The following TTC7B variants were observed in gnomAD, a reference collection of about 807,000 sequenced individuals.
The protein encoded by TTC7B is tetratricopeptide repeat domain 7B.
TTC7B carries 28 observed loss-of-function variants against 106.8 expected under a neutral mutation model. The observed-to-expected ratio is 0.26, with a 90% CI of 0.19 to 0.36. The LOEUF (loss-of-function observed/expected upper bound fraction) is 0.36. TTC7B is among the 10% of genes least tolerant of loss of function. The pLI is 1.00. For missense variants in TTC7B, 862 were observed against 1,076.4 expected, an observed-to-expected ratio of 0.80 and a Z score of 2.79; for synonymous variants, 405 against 430.6, an observed-to-expected ratio of 0.94 and a Z score of 0.74.
In TTC7B at chr14:90,816,379, C is replaced by G; in HGVS notation, c.-84G>C. 1 of 784,512 alleles carries G rather than the reference C, an allele frequency of 1.3e-6. No individual in the cohort carries two copies. Among genetic ancestry groups the G allele is most frequent in the Non-Finnish European group, 1.5e-6 (1 of 649,960 alleles). 48.6% of individuals were successfully genotyped at this position (784,512 alleles called of 1,614,324 possible). ...CCCCCTCGCCGCCTCCCGCCGCCGCCGCGGGCTCGGGCTCCGGCTCCCGGC... is the reference window on the plus strand; with the variant it reads ...CCCCCTCGCCGCCTCCCGCCGCCGCGGCGGGCTCGGGCTCCGGCTCCCGGC... On this transcript the variant is annotated 5_prime_UTR_variant, in exon 1 of 20. Coordinates refer to ENST00000328459, the MANE Select transcript of TTC7B (RefSeq NM_001010854.2).
intron 15 of TTC7B, among the ~76,000 whole-genome samples, chr14:90,630,492 C>T (rs377269380): frequency 2.0e-5 from 3 of 152,156 alleles, no homozygotes; most frequent in Non-Finnish European, 4.4e-5. Context: ...GTAAAATATA[C>T]GTAACATAAA....
At chr14:90,603,193 G>A in intron 17 of TTC7B, 15 of 1,111,048 alleles carry the variant, frequency 1.4e-5, no homozygotes, top group Non-Finnish European at 1.8e-5. Context: ...ACATTCCGTG[G>A]TGGGGGGAGT....
rs1215319496 is a variant in TTC7B, at chr14:90,756,480, G to A, written c.446-11558C>T. 6.0e-5 allele frequency among the ~76,000 whole-genome samples: 9 copies of A among 148,788 alleles called. No homozygotes were observed. The Admixed American group carries it at 6.1e-4, about 10-fold the overall frequency. ...GCGATCTCGGCTCACTGCAACTTCCGCCTTCTGGGTTCAAGCGATTCTCCT... is the reference window on the plus strand; with the variant it reads ...GCGATCTCGGCTCACTGCAACTTCCACCTTCTGGGTTCAAGCGATTCTCCT... On this transcript the variant is annotated intron_variant, in intron 3 of 19. Coordinates refer to ENST00000328459, the MANE Select transcript of TTC7B (RefSeq NM_001010854.2).
chr14:90,629,591 G>A (rs1226830341), intron 15 of TTC7B, among the ~76,000 whole-genome samples: 1 of 152,210 alleles, frequency 6.6e-6, no homozygotes, highest in East Asian at 1.9e-4. Context: ...GCCAGGTGCT[G>A]GGGAGCCAGA....
Position 90,744,705 on chromosome 14 carries a change from G to A in TTC7B, c.576+87C>T. On this transcript the variant is annotated intron_variant, in intron 4 of 19. Coordinates refer to ENST00000328459, the MANE Select transcript of TTC7B (RefSeq NM_001010854.2). ...CTTTGCACACAGAGACAGACAAGTTGAAAGCTTCCTAGAGATTAATCTCAG... is the reference window on the plus strand; with the variant it reads ...CTTTGCACACAGAGACAGACAAGTTAAAAGCTTCCTAGAGATTAATCTCAG... 6.3e-6 allele frequency: 9 copies of A among 1,418,560 alleles called. No individual in the cohort carries two copies. The South Asian group carries it at 6.5e-5, about 10-fold the overall frequency. The allele number at this position is 1,418,560 out of a possible 1,614,324, so 87.9% of individuals were successfully genotyped here.
chr14:90,774,069 A>T (rs1890948305), intron 3 of TTC7B, among the ~76,000 whole-genome samples: 2 of 152,130 alleles, frequency 1.3e-5, no homozygotes, highest in Admixed American at 1.3e-4. Context: ...ACACTGCCCT[A>T]CCTCTGATCC....
intron 1 of TTC7B, among the ~76,000 whole-genome samples, chr14:90,814,852 C>T (rs1257731277): frequency 2.0e-5 from 3 of 152,226 alleles, no homozygotes; most frequent in East Asian, 1.9e-4. Flanking sequence ...AAGTGGAGCC[C>T]GTGTAGGGTC....
At chr14:90,593,734 GATGTTTC>G in intron 17 of TTC7B, 108 bp from the exon 18 acceptor site, 4 of 1,154,922 alleles carry the variant, frequency 3.5e-6, no homozygotes, top group Non-Finnish European at 4.7e-6. Context: ...CTTCCCCCAT[GATGTTTC>G]TAAGATTTAC....
Position 90,757,733 on chromosome 14 carries a change from T to G in TTC7B, c.446-12811A>C, listed in dbSNP as rs1890350770. Among the ~76,000 whole-genome samples, 1 of 152,174 alleles carries G rather than the reference T, an allele frequency of 6.6e-6. No homozygotes were observed. Among genetic ancestry groups the G allele is most frequent in the South Asian group, 2.1e-4 (1 of 4,826 alleles). On this transcript the variant is annotated intron_variant, in intron 3 of 19. Transcript: ENST00000328459. This position sits in a 1 kb window ranked among gnomAD's most constrained non-coding sequence, Gnocchi z 4.1. ...ATGACACCTAGAAGATCATGGTCAT[T>G]AGCAAATATCCAATTCATAAAGACT... is the stretch of plus-strand genomic sequence containing the variant.
chr14:90,533,280 G>A lies in TTC7B; in HGVS notation c.*8088C>T, dbSNP rs1403219978. Reference sequence around the variant, plus strand: ...ACCCAGGGCCCGAGGATGACCCTGTGGGGTCAAGGAGGCAAAGACAAGAGT... The same window carrying A: ...ACCCAGGGCCCGAGGATGACCCTGTAGGGTCAAGGAGGCAAAGACAAGAGT... On this transcript the variant is annotated 3_prime_UTR_variant, in exon 20 of 20. Transcript: ENST00000328459. 6.6e-6 allele frequency: 1 copy of A among 152,498 alleles called. No individual in the cohort carries two copies. Among genetic ancestry groups the A allele is most frequent in the East Asian group, 1.9e-4 (1 of 5,188 alleles). The allele number at this position is 152,498 out of a possible 1,614,324, so 9.4% of individuals were successfully genotyped here.
chr14:90,583,666 G>A (rs1395699176), intron 18 of TTC7B, among the ~76,000 whole-genome samples: 1 of 152,010 alleles, frequency 6.6e-6, no homozygotes, highest in African/African-American at 2.4e-5. Context: ...GAGGTTCCAG[G>A]GACAGATATT....
chr14:90,620,521 G>A (rs1307481864), intron 15 of TTC7B, among the ~76,000 whole-genome samples: 1 of 152,218 alleles, frequency 6.6e-6, no homozygotes, highest in Non-Finnish European at 1.5e-5. Context: ...TGGGTAGAGA[G>A]GGTGGTAAGG....
At chr14:90,736,836 G>A (rs1292910907) in intron 4 of TTC7B, among the ~76,000 whole-genome samples, 1 of 143,164 alleles carries the variant, frequency 7.0e-6, no homozygotes, top group Non-Finnish European at 1.5e-5. Context: ...AGGGTGCAAC[G>A]AGCTATGATC....
intron 19 of TTC7B, among the ~76,000 whole-genome samples, chr14:90,546,978 C>A (rs1465617883): frequency 6.6e-6 from 1 of 152,238 alleles, no homozygotes; most frequent in Non-Finnish European, 1.5e-5. Flanking sequence ...AGCTGTGCTG[C>A]GTGTGCCCTT....
chr14:90,677,850 A>T (rs1359873658), intron 8 of TTC7B: 3 of 455,568 alleles, frequency 6.6e-6, no homozygotes, highest in Non-Finnish European at 1.3e-5. Context: ...GTTAAATGTC[A>T]AAGACAAATA....
In TTC7B at chr14:90,531,849, G is replaced by C. The variant is rs1242813780; in HGVS notation, c.*9519C>G. On this transcript the variant is annotated 3_prime_UTR_variant, in exon 20 of 20. Transcript: ENST00000328459. Reference sequence around the variant, plus strand: ...TGGACTGAAAAGTCTCATTGTGTCTGAGCTCTGCCCCTTTCTTATTTAATT... The same window carrying C: ...TGGACTGAAAAGTCTCATTGTGTCTCAGCTCTGCCCCTTTCTTATTTAATT... 1 of 152,322 alleles carries C rather than the reference G, an allele frequency of 6.6e-6. No homozygotes were observed. Among genetic ancestry groups the C allele is most frequent in the Non-Finnish European group, 1.5e-5 (1 of 68,034 alleles). 9.4% of individuals were successfully genotyped at this position (152,322 alleles called of 1,614,324 possible).
chr14:90,530,851 T>C lies in TTC7B; in HGVS notation c.*10517A>G, dbSNP rs144842869. On this transcript the variant is annotated 3_prime_UTR_variant, in exon 20 of 20. Coordinates refer to ENST00000328459, the MANE Select transcript of TTC7B (RefSeq NM_001010854.2). ...AAGACAGGAAATGTGCGTTGTTTTA[T>C]TGGGTGCAGTGTATACTGCTCGGGT... 2 of 152,336 alleles carry C rather than the reference T, an allele frequency of 1.3e-5. No individual in the cohort carries two copies. Among genetic ancestry groups the C allele is most frequent in the East Asian group, 1.9e-4 (1 of 5,184 alleles). The allele number at this position is 152,336 out of a possible 1,614,324, so 9.4% of individuals were successfully genotyped here. A position where few individuals can be genotyped will look rare whatever the true frequency, so the allele number is the denominator to read the frequency against.
intron 19 of TTC7B, among the ~76,000 whole-genome samples, chr14:90,551,218 C>T (rs1349236511): frequency 6.6e-6 from 1 of 152,194 alleles, no homozygotes; most frequent in African/African-American, 2.4e-5. Flanking sequence ...AGACAGCAGG[C>T]TCCTGAAGGG....
chr14:90,719,090 G>A (rs1018348665), intron 5 of TTC7B, among the ~76,000 whole-genome samples: 12 of 152,008 alleles, frequency 7.9e-5, no homozygotes, highest in African/African-American at 1.7e-4. Context: ...GTGAAACCCC[G>A]TCGCTACAAA....
Sources: gnomAD v4.1 joint callset for allele counts (sites outside exome capture counted in the v4.1 genomes callset) on GRCh38, gnomAD v4.1.1 for gene constraint, Gnocchi (gnomAD v3.1) non-coding constraint, MANE v1.5 for transcripts, NCBI Gene and HGNC (gene_info 2026-07-23, HGNC 2026-07-21) for gene names.